THAP8: variants seen among roughly 807,000 people sequenced by gnomAD.
THAP8 encodes the protein THAP domain-containing protein 8.
THAP8 carries 24 observed loss-of-function variants against 25.0 expected under a neutral mutation model. That is an observed-to-expected ratio of 0.96 (90% CI 0.69 to 1.35). THAP8 has a LOEUF of 1.35. THAP8 is among the 40% of genes most tolerant of loss of function. The pLI is 0.00. For missense variants in THAP8, 399 were observed against 368.8 expected, an observed-to-expected ratio of 1.08 and a Z score of -0.67; for synonymous variants, 169 against 157.6, an observed-to-expected ratio of 1.07 and a Z score of -0.54.
In THAP8 at chr19:36,039,643, G is replaced by C; in HGVS notation, c.352C>G (p.Gln118Glu). The change falls in exon 3 of 4, where the codon CAG (glutamine) becomes GAG (glutamate). Residue 118 changes from glutamine to glutamate, a missense_variant. Transcript: ENST00000292894. ...CCAGAGACTGGGATGGCAGGGCTCT[G>C]GGGCAGGGGTGTATTCTTCTGTAGG... is the stretch of plus-strand genomic sequence containing the variant. ...PPLQKNTPLP[Q>E]SPAIPVSGPV... The C allele has an allele frequency of 1.3e-6, 2 of 1,512,876 alleles. No homozygotes were observed. Among genetic ancestry groups the C allele is most frequent in the Non-Finnish European group, 1.8e-6 (2 of 1,128,932 alleles). The allele number at this position is 1,512,876 out of a possible 1,614,324, so 93.7% of individuals were successfully genotyped here.
chr19:36,050,584 T>C (rs928100885), intron 1 of THAP8, among the ~76,000 whole-genome samples: 2 of 152,218 alleles, frequency 1.3e-5, no homozygotes, highest in African/African-American at 4.8e-5. Flanking sequence ...GGTGGGTTAA[T>C]GGACTAGCGG....
Position 36,039,654 on chromosome 19 carries a change from G to A in THAP8, c.341C>T (p.Thr114Ile), listed in dbSNP as rs762840041. The A allele has an allele frequency of 2.8e-5, 42 of 1,520,900 alleles. No individual in the cohort carries two copies. The Middle Eastern group carries it at 5.2e-4, about 19-fold the overall frequency. 94.2% of individuals were successfully genotyped at this position (1,520,900 alleles called of 1,614,324 possible). Residue 114 changes from threonine (T) to isoleucine (I), a missense_variant, in exon 3 of 4, where the codon ACA becomes ATA. Physicochemically the swap from Thr to Ile is moderately conservative, Grantham distance 89 (BLOSUM62 -1). Coordinates refer to ENST00000292894, the MANE Select transcript of THAP8 (RefSeq NM_152658.3). Reference sequence around the variant, plus strand: ...GATGGCAGGGCTCTGGGGCAGGGGTGTATTCTTCTGTAGGGGAGGCGGCGG... The same window carrying A: ...GATGGCAGGGCTCTGGGGCAGGGGTATATTCTTCTGTAGGGGAGGCGGCGG... ...VSPPPPLQKNTPLPQSPAIPV... is the reference protein window; with the variant it reads ...VSPPPPLQKNIPLPQSPAIPV...
chr19:36,045,404 G>C (rs533903717), intron 1 of THAP8, among the ~76,000 whole-genome samples: 3 of 152,066 alleles, frequency 2.0e-5, no homozygotes, highest in African/African-American at 7.2e-5. Flanking sequence ...CAAGTAGCTG[G>C]GACTACAGGC....
intron 3 of THAP8, among the ~76,000 whole-genome samples, chr19:36,036,974 A>T (rs1969476716): frequency 6.7e-6 from 1 of 150,030 alleles, no homozygotes; most frequent in East Asian, 2.0e-4. Context: ...GATACTCCTT[A>T]ACTCCAGAGG....
In THAP8 at chr19:36,054,275, G is replaced by C. The variant is rs1226325444; in HGVS notation, c.-58C>G. On this transcript the variant is annotated 5_prime_UTR_variant, in exon 1 of 4. Coordinates refer to ENST00000292894, the MANE Select transcript of THAP8 (RefSeq NM_152658.3). ...CAGCGGCTGCACTTTGGTTCTCGCG[G>C]AGCGCCGCCTAACCCCGCCCCACCC... 7 of 1,563,736 alleles carry C rather than the reference G, an allele frequency of 4.5e-6. No homozygotes were observed. In the African/African-American group the frequency reaches 9.5e-5, roughly 21 times the overall value.
At chr19:36,050,053 CAA>C (rs1250976973) in intron 1 of THAP8, among the ~76,000 whole-genome samples, 52 of 76,818 alleles carry the variant, frequency 6.8e-4, no homozygotes, top group Non-Finnish European at 5.4e-4. Context: ...GACCCTGTCT[CAA>C]AAAAAAAAAA....
At chr19:36,053,702 G>A (rs2145471996) in intron 1 of THAP8, among the ~76,000 whole-genome samples, 1 of 152,246 alleles carries the variant, frequency 6.6e-6, no homozygotes, top group Admixed American at 6.5e-5. Context: ...AGGTAAGGAT[G>A]ACATTTTTTA....
chr19:36,047,402 C>T (rs758975785), intron 1 of THAP8, among the ~76,000 whole-genome samples: 11 of 152,184 alleles, frequency 7.2e-5, no homozygotes, highest in African/African-American at 1.9e-4. Flanking sequence ...TAGACCTGAA[C>T]GCTTTTTGCT....
chr19:36,045,718 G>A (rs900580931), intron 1 of THAP8: 8 of 456,446 alleles, frequency 1.8e-5, no homozygotes, highest in African/African-American at 1.0e-4. Context: ...GAAAAGAAGA[G>A]AGGGCAATGC....
intron 3 of THAP8, among the ~76,000 whole-genome samples, chr19:36,037,692 T>G (rs761690582): frequency 2.6e-5 from 4 of 152,112 alleles, no homozygotes; most frequent in Non-Finnish European, 5.9e-5. Context: ...TACGCTGGAG[T>G]GCAATGGCAC....
At chr19:36,043,866 C>A (rs1405389598) in intron 1 of THAP8, among the ~76,000 whole-genome samples, 1 of 151,886 alleles carries the variant, frequency 6.6e-6, no homozygotes, top group Admixed American at 6.6e-5. Context: ...ACAACCTGGG[C>A]GACAGAGCAA....
chr19:36,039,921 C>T, intron 2 of THAP8, 23 bp downstream of exon 2: 1 of 1,611,270 alleles, frequency 6.2e-7, no homozygotes, highest in Non-Finnish European at 8.5e-7. Context: ...TGGATTCCAG[C>T]AGCAGGACCT....
chr19:36,053,073 A>T (rs112909578), intron 1 of THAP8, among the ~76,000 whole-genome samples: 42,326 of 149,944 alleles, frequency 0.28, 6,494 homozygotes, highest in East Asian at 0.55. Context: ...TAAAAACAAA[A>T]TTTTTTTTTT....
rs1222270938 is a variant in THAP8, at chr19:36,039,671, A to AGGC, written c.321_323dup (p.Pro109dup). 1 of 1,524,662 alleles carries AGGC rather than the reference A, an allele frequency of 6.6e-7. No homozygotes were observed. Among genetic ancestry groups the AGGC allele is most frequent in the Non-Finnish European group, 8.8e-7 (1 of 1,134,824 alleles). 94.4% of individuals were successfully genotyped at this position (1,524,662 alleles called of 1,614,324 possible). On this transcript the variant is annotated inframe_insertion, in exon 3 of 4. Coordinates refer to ENST00000292894, the MANE Select transcript of THAP8 (RefSeq NM_152658.3). ...GCAGGGGTGTATTCTTCTGTAGGGG[A>AGGC]GGCGGCGGCGAGACTGGCTTCTGGG... is the stretch of plus-strand genomic sequence containing the variant.
chr19:36,039,115 G>A (rs374523554), intron 3 of THAP8, among the ~76,000 whole-genome samples: 12 of 152,288 alleles, frequency 7.9e-5, no homozygotes, highest in African/African-American at 1.7e-4. Context: ...GGCTGGTCTC[G>A]AACTCCTGGC....
At chr19:36,054,287 A>C (rs1044524210), upstream of THAP8, 63 of 1,510,496 alleles carry the variant, frequency 4.2e-5, no homozygotes, top group Non-Finnish European at 5.3e-5. Flanking sequence ...GCGCCGCCTA[A>C]CCCCGCCCCA....
intron 1 of THAP8, among the ~76,000 whole-genome samples, chr19:36,045,233 G>A (rs1336317642): frequency 3.3e-5 from 5 of 151,050 alleles, no homozygotes; most frequent in South Asian, 4.2e-4. Flanking sequence ...GACTACAGGC[G>A]CCCGCCACCA....
intron 1 of THAP8, among the ~76,000 whole-genome samples, chr19:36,053,484 G>C (rs989283377): frequency 6.6e-6 from 1 of 150,836 alleles, no homozygotes; most frequent in South Asian, 2.1e-4. Context: ...GAGCCCGGGA[G>C]GTCGAGGTTG....
At chr19:36,042,087 A>C (rs1969711465) in intron 1 of THAP8, among the ~76,000 whole-genome samples, 3 of 144,028 alleles carry the variant, frequency 2.1e-5, no homozygotes, top group East Asian at 2.3e-4. Context: ...GGGAAGGGGA[A>C]GGGGGAGGGA....
Sources: allele counts gnomAD v4.1 joint callset (sites outside exome capture counted in the v4.1 genomes callset), GRCh38; gene constraint gnomAD v4.1.1; transcripts MANE v1.5; gene names NCBI Gene and HGNC (gene_info 2026-07-23, HGNC 2026-07-21).